CAPN1: variants seen among roughly 807,000 people sequenced by gnomAD.
CAPN1 encodes calpain-1 catalytic subunit.
CAPN1 carries 77 observed loss-of-function variants against 105.2 expected under a neutral mutation model. The ratio of observed to expected loss-of-function variants is 0.73; its 90% CI spans 0.61 to 0.88. The LOEUF is 0.88. Among genes scored for constraint, CAPN1 ranks in the 40% least tolerant of loss-of-function variants. CAPN1 has a pLI of 0.00. For missense variants in CAPN1, 833 were observed against 976.6 expected (o/e 0.85, Z 1.96); for synonymous variants, 355 against 388.8 (o/e 0.91, Z 1.02).
Position 65,209,919 on chromosome 11 carries a change from T to C in CAPN1, c.1863+2T>C. ...TGGAACCGCATCCGGAATTACCTGGTAGGTTGTCCCCACTCACCTCAGTCA... is the reference window on the plus strand; with the variant it reads ...TGGAACCGCATCCGGAATTACCTGGCAGGTTGTCCCCACTCACCTCAGTCA... On this transcript the variant is annotated splice_donor_variant, in intron 18 of 21. Coordinates refer to ENST00000279247, the MANE Select transcript of CAPN1 (RefSeq NM_005186.4). LOFTEE classifies it high-confidence loss of function. The surrounding 1 kb of genome is among the most constrained non-coding windows in gnomAD (Gnocchi z 4.1). 6.2e-7 allele frequency: 1 copy of C among 1,613,464 alleles called. No homozygotes were observed. The highest frequency in any genetic ancestry group is 2.2e-5 in the East Asian group (1 of 44,868).
chr11:65,196,404 T>C (rs17878324), intron 10 of CAPN1, among the ~76,000 whole-genome samples: 4 of 152,132 alleles, frequency 2.6e-5, no homozygotes, highest in Non-Finnish European at 4.4e-5. Context: ...ACATGTGATA[T>C]TTTGATAACG....
Position 65,209,179 on chromosome 11 carries a change from C to A in CAPN1, c.1730-144C>A. 1 of 657,092 alleles carries A rather than the reference C, an allele frequency of 1.5e-6. No individual in the cohort carries two copies. Among genetic ancestry groups the A allele is most frequent in the South Asian group, 1.7e-5 (1 of 57,542 alleles). The allele number at this position is 657,092 out of a possible 1,614,324, so 40.7% of individuals were successfully genotyped here. On this transcript the variant is annotated intron_variant, in intron 16 of 21. Transcript: ENST00000279247. This position sits in a 1 kb window ranked among gnomAD's most constrained non-coding sequence, Gnocchi z 4.1. ...TACTTGTACTTCCTGATGATACAAA[C>A]AATCCTGCCCACTTCCTCTGCCAGA... is the stretch of plus-strand genomic sequence containing the variant.
intron 6 of CAPN1, among the ~76,000 whole-genome samples, chr11:65,186,726 C>T (rs1948639477): frequency 1.3e-5 from 2 of 152,124 alleles, no homozygotes; most frequent in African/African-American, 4.8e-5. Flanking sequence ...CCCACCCTTC[C>T]CTGCTCCTCT....
chr11:65,188,784 G>A lies in CAPN1; in HGVS notation c.1165+38G>A, dbSNP rs1351209645. The A allele has an allele frequency of 6.5e-7, 1 of 1,527,660 alleles. No individual in the cohort carries two copies. Among genetic ancestry groups the A allele is most frequent in the Admixed American group, 2.0e-5 (1 of 50,254 alleles). 94.6% of individuals were successfully genotyped at this position (1,527,660 alleles called of 1,614,324 possible). ...GGGCTCTGGGTCTTGCTGCTTCCTGGCTTAGGGGCTCCAGAAGGCACGTCA... is the reference window on the plus strand; with the variant it reads ...GGGCTCTGGGTCTTGCTGCTTCCTGACTTAGGGGCTCCAGAAGGCACGTCA... On this transcript the variant is annotated intron_variant, in intron 10 of 21. Coordinates refer to ENST00000279247, the MANE Select transcript of CAPN1 (RefSeq NM_005186.4). This position sits in a 1 kb window ranked among gnomAD's most constrained non-coding sequence, Gnocchi z 5.5.
At chr11:65,206,425 G>A (rs759096530) in intron 12 of CAPN1, 38 bp from the exon 13 acceptor site, 10 of 1,547,462 alleles carry the variant, frequency 6.5e-6, no homozygotes, top group Middle Eastern at 1.7e-4. Context: ...TGGGCTGAGT[G>A]GGCAGCTGCA....
intron 10 of CAPN1, among the ~76,000 whole-genome samples, chr11:65,198,965 G>A (rs1038014163): frequency 6.6e-6 from 1 of 152,188 alleles, no homozygotes; most frequent in Non-Finnish European, 1.5e-5. Flanking sequence ...CTCCCAAGTA[G>A]CTGGGATTCT....
rs548629918 is a variant in CAPN1, at chr11:65,204,851, T to G, written c.1334T>G (p.Val445Gly). The G allele has an allele frequency of 1.2e-6, 2 of 1,607,184 alleles. No homozygotes were observed. Among genetic ancestry groups the G allele is most frequent in the African/African-American group, 1.3e-5 (1 of 74,974 alleles). ...GRDMETIGFAVYEVPPELVGQ... is the reference protein window; with the variant it reads ...GRDMETIGFAGYEVPPELVGQ... ...GACATGGAGACTATTGGCTTCGCGG[T>G]CTACGAGGTCAGGAGGGTGGATCAC... The change falls in exon 11 of 22, where the codon GTC becomes GGC. Residue 445 changes from valine (V) to glycine (G), a missense_variant. Physicochemically the swap from Val to Gly is moderately radical, Grantham distance 109. Coordinates refer to ENST00000279247, the MANE Select transcript of CAPN1 (RefSeq NM_005186.4).
In CAPN1 at chr11:65,209,695, C is replaced by T. The variant is rs1340483159; in HGVS notation, c.1795-154C>T. The T allele has an allele frequency of 2.7e-6, 2 of 753,832 alleles. No individual in the cohort carries two copies. Among genetic ancestry groups the T allele is most frequent in the Admixed American group, 2.3e-5 (1 of 43,088 alleles). 46.7% of individuals were successfully genotyped at this position (753,832 alleles called of 1,614,324 possible). On this transcript the variant is annotated intron_variant, in intron 17 of 21. Transcript: ENST00000279247. This position sits in a 1 kb window ranked among gnomAD's most constrained non-coding sequence, Gnocchi z 4.1. Reference sequence around the variant, plus strand: ...CCCAGCTCAGAGAATAAGGCAAGCCCGGCTGTGGGCTGACTGTACATGGCT... The same window carrying T: ...CCCAGCTCAGAGAATAAGGCAAGCCTGGCTGTGGGCTGACTGTACATGGCT...
At chr11:65,202,928 T>G (rs1480847058) in intron 10 of CAPN1, among the ~76,000 whole-genome samples, 1 of 152,158 alleles carries the variant, frequency 6.6e-6, no homozygotes, top group East Asian at 1.9e-4. Flanking sequence ...ACAAATCTAC[T>G]TCTTATCTCT....
chr11:65,195,306 G>A (rs1948778435), intron 10 of CAPN1, among the ~76,000 whole-genome samples: 2 of 151,774 alleles, frequency 1.3e-5, no homozygotes, highest in Admixed American at 1.3e-4. Context: ...GTAGAGACAG[G>A]GTTTCACCCT....
At chr11:65,183,300 C>A in intron 3 of CAPN1, 103 bp downstream of exon 3, 1 of 1,237,146 alleles carries the variant, frequency 8.1e-7, no homozygotes, top group Non-Finnish European at 1.2e-6. Flanking sequence ...CAAGCCCAGG[C>A]AGGATCTGGC....
Position 65,210,943 on chromosome 11 carries a change from T to G in CAPN1, c.2118+71T>G, listed in dbSNP as rs1293415154. The G allele has an allele frequency of 1.5e-6, 2 of 1,299,802 alleles. No individual in the cohort carries two copies. The highest frequency in any genetic ancestry group is 2.9e-5 in the African/African-American group (2 of 68,590). 80.5% of individuals were successfully genotyped at this position (1,299,802 alleles called of 1,614,324 possible). Reference sequence around the variant, plus strand: ...TCGAATTTTCTTATCTGGCCAGTGTTCCCTGTCCTTTCCTGGAAATGAGCC... The same window carrying G: ...TCGAATTTTCTTATCTGGCCAGTGTGCCCTGTCCTTTCCTGGAAATGAGCC... On this transcript the variant is annotated intron_variant, in intron 21 of 21. Coordinates refer to ENST00000279247, the MANE Select transcript of CAPN1 (RefSeq NM_005186.4). The surrounding 1 kb of genome is among the most constrained non-coding windows in gnomAD (Gnocchi z 4.3).
chr11:65,209,081 G>A lies in CAPN1; in HGVS notation c.1730-242G>A. Reference sequence around the variant, plus strand: ...TTTCTACCCAATTTCTCGCTCTTCTGTTTCACACTCATTTCTTTTTACTTT... The same window carrying A: ...TTTCTACCCAATTTCTCGCTCTTCTATTTCACACTCATTTCTTTTTACTTT... On this transcript the variant is annotated intron_variant, in intron 16 of 21. Transcript: ENST00000279247. The surrounding 1 kb of genome is among the most constrained non-coding windows in gnomAD (Gnocchi z 4.1). The A allele has an allele frequency of 1.7e-6, 1 of 572,790 alleles. No homozygotes were observed. The highest frequency in any genetic ancestry group is 3.1e-6 in the Non-Finnish European group (1 of 318,324). The allele number at this position is 572,790 out of a possible 1,614,324, so 35.5% of individuals were successfully genotyped here. A position where few individuals can be genotyped will look rare whatever the true frequency, so the allele number is the denominator to read the frequency against.
At chr11:65,185,812 A>T (rs143548436) in intron 4 of CAPN1, 105 bp from the exon 5 acceptor site, 7 of 1,168,042 alleles carry the variant, frequency 6.0e-6, no homozygotes, top group South Asian at 5.9e-5. Context: ...TGTATCTAGT[A>T]TGTATCTGGG....
intron 2 of CAPN1, 79 bp from the exon 3 acceptor site, chr11:65,183,048 TG>T: frequency 6.2e-7 from 1 of 1,604,058 alleles, no homozygotes. Flanking sequence ...ATGTCCCTGG[TG>T]GGGAATGGGG....
intron 10 of CAPN1, among the ~76,000 whole-genome samples, chr11:65,197,566 G>A (rs1411675641): frequency 1.3e-5 from 2 of 152,080 alleles, no homozygotes; most frequent in African/African-American, 4.8e-5. Context: ...AACAGCACTA[G>A]CCAGCTTTTT....
chr11:65,196,795 A>T (rs1948798162), intron 10 of CAPN1, among the ~76,000 whole-genome samples: 1 of 152,240 alleles, frequency 6.6e-6, no homozygotes, highest in Admixed American at 6.5e-5. Context: ...TAGTAAAAAA[A>T]TGTGACCTAC....
Position 65,209,739 on chromosome 11 carries a change from C to T in CAPN1, c.1795-110C>T. ...CATGGCTTTTGCTGCTTCTCCTCAC[C>T]CAGCCCCAAGTCGACTTGCCGGCTC... On this transcript the variant is annotated intron_variant, in intron 17 of 21. Transcript: ENST00000279247. The surrounding 1 kb of genome is among the most constrained non-coding windows in gnomAD (Gnocchi z 4.1). 2 of 1,069,310 alleles carry T rather than the reference C, an allele frequency of 1.9e-6. No homozygotes were observed. Among genetic ancestry groups the T allele is most frequent in the Non-Finnish European group, 2.8e-6 (2 of 719,546 alleles). 66.2% of individuals were successfully genotyped at this position (1,069,310 alleles called of 1,614,324 possible).
intron 10 of CAPN1, among the ~76,000 whole-genome samples, chr11:65,201,144 C>A (rs569781946): frequency 1.2e-3 from 179 of 151,672 alleles, no homozygotes; most frequent in Non-Finnish European, 2.2e-3. Context: ...TGGGGTTTCA[C>A]CATGTTAGCC....
Sources: gnomAD v4.1 joint callset for allele counts (sites outside exome capture counted in the v4.1 genomes callset) on GRCh38, gnomAD v4.1.1 for gene constraint, Gnocchi (gnomAD v3.1) non-coding constraint, MANE v1.5 for transcripts, NCBI Gene and HGNC (gene_info 2026-07-23, HGNC 2026-07-21) for gene names.